AADAT: variants seen among roughly 807,000 people sequenced by gnomAD.
The protein encoded by AADAT is aminoadipate aminotransferase.
Under a neutral mutation model 56.2 loss-of-function variants are expected in AADAT, and 25 were observed. The ratio of observed to expected loss-of-function variants is 0.44; its 90% confidence interval spans 0.32 to 0.62. The LOEUF (loss-of-function observed/expected upper bound fraction) is 0.62, where lower values mean the gene tolerates loss of function less well. AADAT is among the 20% of genes least tolerant of loss of function. The pLI, the probability that AADAT is intolerant of heterozygous loss-of-function variation, is 0.04. For synonymous variants in AADAT, 173 were observed against 164.7 expected (o/e 1.05, Z -0.39); for missense variants, 387 against 510.5 (o/e 0.76, Z 2.33).
At position 170,089,810 on chromosome 4, in the gene AADAT, T is replaced by C; in HGVS notation, c.-120A>G. On this transcript the variant is annotated 5_prime_UTR_variant, in exon 1 of 13. Transcript: ENST00000337664. ...TCTGGCAACGCCACCGCGAGATGTG[T>C]CCCCCCGCTGCGTCTGGCTTCCCGC... 1 of 1,019,456 alleles carries C rather than the reference T, an allele frequency of 9.8e-7. No homozygotes were observed. The allele number at this position is 1,019,456 out of a possible 1,614,324, so 63.2% of individuals were successfully genotyped here. A position where few individuals can be genotyped will look rare whatever the true frequency, so the allele number is the denominator to read the frequency against.
At chr4:170,087,326 C>T (rs1411815698) in intron 2 of AADAT, 78 bp from the exon 3 acceptor site, 2 of 1,375,648 alleles carry the variant, frequency 1.5e-6, no homozygotes. Context: ...TAATAAATGA[C>T]AGCTTTATCA....
intron 8 of AADAT, 39 bp downstream of exon 8, chr4:170,068,552 G>T: frequency 7.1e-7 from 1 of 1,406,660 alleles, no homozygotes; most frequent in Non-Finnish European, 9.6e-7. Flanking sequence ...ATTCTAATCT[G>T]ATTACAAAAA....
chr4:170,067,904 C>T (rs1731555035), intron 8 of AADAT, among the ~76,000 whole-genome samples: 1 of 151,972 alleles, frequency 6.6e-6, no homozygotes, highest in Admixed American at 6.6e-5. Context: ...TTGGGAGGCC[C>T]AACAGGGGTG....
At chr4:170,085,480 C>T (rs1231688161) in intron 3 of AADAT, among the ~76,000 whole-genome samples, 1 of 152,102 alleles carries the variant, frequency 6.6e-6, no homozygotes, top group Non-Finnish European at 1.5e-5. Context: ...AAACCAGATA[C>T]ATATTAGTGC....
chr4:170,079,669 G>T (rs185665661), intron 3 of AADAT, among the ~76,000 whole-genome samples: 1 of 152,092 alleles, frequency 6.6e-6, no homozygotes, highest in East Asian at 1.9e-4. Flanking sequence ...GGAAGAGGAG[G>T]TGTCAAGAAT....
At chr4:170,085,530 G>C (rs760779878) in intron 3 of AADAT, among the ~76,000 whole-genome samples, 1 of 152,168 alleles carries the variant, frequency 6.6e-6, no homozygotes, top group Non-Finnish European at 1.5e-5. Flanking sequence ...AGTTATTGAC[G>C]TATTTAGCAA....
At chr4:170,071,423 C>T (rs1271490435) in intron 5 of AADAT, among the ~76,000 whole-genome samples, 2 of 152,190 alleles carry the variant, frequency 1.3e-5, no homozygotes, top group Admixed American at 6.5e-5. Context: ...ATAAGCAAAA[C>T]GCTTGACATG....
rs1581599040 is a variant in AADAT at position 170,087,309 on chromosome 4, C to G, written c.237-61G>C. ...TAAAAATCATAGTAACAGTAGTAGA[C>G]AGGAAATAATAAATGACAGCTTTAT... On this transcript the variant is annotated intron_variant, in intron 2 of 12. Transcript: ENST00000337664. 3.4e-6 allele frequency: 5 copies of G among 1,488,652 alleles called. No individual in the cohort carries two copies. In the East Asian group the frequency reaches 1.1e-4, roughly 34 times the overall value. The allele number at this position is 1,488,652 out of a possible 1,614,324, so 92.2% of individuals were successfully genotyped here.
At chr4:170,087,323 T>C (rs1732611832) in intron 2 of AADAT, 75 bp from the exon 3 acceptor site, 2 of 1,414,370 alleles carry the variant, frequency 1.4e-6, no homozygotes, top group Non-Finnish European at 1.9e-6. Context: ...AAATAATAAA[T>C]GACAGCTTTA....
At chr4:170,064,950 T>A in intron 10 of AADAT, 125 bp from the exon 11 acceptor site, 2 of 704,118 alleles carry the variant, frequency 2.8e-6, no homozygotes, top group South Asian at 3.8e-5. Flanking sequence ...GTTCCTTCAA[T>A]TATAGCATTT....
chr4:170,083,018 A>G (rs1732387992), intron 3 of AADAT, among the ~76,000 whole-genome samples: 1 of 150,944 alleles, frequency 6.6e-6, no homozygotes, highest in South Asian at 2.1e-4. Flanking sequence ...ACAGTGAGAT[A>G]AAACTACATA....
intron 3 of AADAT, among the ~76,000 whole-genome samples, chr4:170,082,432 A>T (rs754416538): frequency 6.6e-6 from 1 of 152,152 alleles, no homozygotes; most frequent in Non-Finnish European, 1.5e-5. Context: ...TTATTGATTC[A>T]CTAAAAATAA....
chr4:170,094,118 CTGA>C (rs1380870349), upstream of AADAT, among the ~76,000 whole-genome samples: 2 of 152,126 alleles, frequency 1.3e-5, no homozygotes, highest in Admixed American at 1.3e-4. Context: ...TGCAAGCTGG[CTGA>C]TGATTCAGGC....
At chr4:170,064,873 T>C (rs1273126961) in intron 10 of AADAT, 48 bp from the exon 11 acceptor site, 1 of 1,527,210 alleles carries the variant, frequency 6.5e-7, no homozygotes, top group Non-Finnish European at 9.0e-7. Flanking sequence ...AAGGCATTTT[T>C]GATGATATCA....
chr4:170,068,562 A>C, intron 8 of AADAT, 29 bp downstream of exon 8: 1 of 1,532,874 alleles, frequency 6.5e-7, no homozygotes, highest in Non-Finnish European at 8.8e-7. Context: ...GATTACAAAA[A>C]AAAAATCGAT....
In AADAT at chr4:170,073,244, A is replaced by G. The variant is rs1304752701; in HGVS notation, c.546T>C (p.Asp182=). 1 of 1,614,092 alleles carries G rather than the reference A, an allele frequency of 6.2e-7. No homozygotes were observed. Among genetic ancestry groups the G allele is most frequent in the South Asian group, 1.1e-5 (1 of 91,074 alleles). Residue 182 remains aspartate, a synonymous_variant, in exon 5 of 13, where the codon GAT becomes GAC. Coordinates refer to ENST00000337664, the MANE Select transcript of AADAT (RefSeq NM_016228.4). ...GGGTGTTTTTCTGGGGATTCTTTGC[A>G]TCTTCTGGTTTCCATCTGGAAAGTA... ...RDILSRWKPE[D]AKNPQKNTPK...
chr4:170,064,995 T>A (rs1046946006), intron 10 of AADAT, among the ~76,000 whole-genome samples, 170 bp from the exon 11 acceptor site: 2 of 152,062 alleles, frequency 1.3e-5, no homozygotes, highest in Non-Finnish European at 2.9e-5. Context: ...TCAAAATTGA[T>A]GTTCTGGGTT....
chr4:170,066,327 C>G, intron 10 of AADAT, 87 bp downstream of exon 10: 1 of 1,161,492 alleles, frequency 8.6e-7, no homozygotes, highest in South Asian at 1.2e-5. Flanking sequence ...TTCTTTTCCA[C>G]CAGGATTGTT....
rs1731142956 is a variant in AADAT at position 170,060,497 on chromosome 4, T to A, written c.*431A>T. 6.5e-6 allele frequency: 1 copy of A among 153,160 alleles called. No individual in the cohort carries two copies. Among genetic ancestry groups the A allele is most frequent in the Non-Finnish European group, 1.5e-5 (1 of 68,714 alleles). The allele number at this position is 153,160 out of a possible 1,614,324, so 9.5% of individuals were successfully genotyped here. A position where few individuals can be genotyped will look rare whatever the true frequency, so the allele number is the denominator to read the frequency against. On this transcript the variant is annotated 3_prime_UTR_variant, in exon 13 of 13. Coordinates refer to ENST00000337664, the MANE Select transcript of AADAT (RefSeq NM_016228.4). ...CAACTACAAAGTTCTTCATAATAAA[T>A]CCAAGATAAAAGTAACTTTTTACAG...
Sources: allele counts gnomAD v4.1 joint callset (sites outside exome capture counted in the v4.1 genomes callset), GRCh38; gene constraint gnomAD v4.1.1; transcripts MANE v1.5; gene names NCBI Gene and HGNC (gene_info 2026-07-23, HGNC 2026-07-21).